TLN2: variants seen among roughly 807,000 people sequenced by gnomAD.
The protein encoded by TLN2 is talin-2.
In TLN2, 118 loss-of-function variants were observed where a neutral mutation model predicts 294.7. The ratio of observed to expected loss-of-function variants is 0.40; its 90% CI spans 0.34 to 0.47. The LOEUF (loss-of-function observed/expected upper bound fraction) is 0.47, where lower values mean the gene tolerates loss of function less well. Ranked by LOEUF, TLN2 falls within the 20% of genes least tolerant of loss-of-function variation. The probability of loss-of-function intolerance (pLI) is 0.84; values close to 1 mark genes in which losing one functional copy is unlikely to be tolerated. For synonymous variants in TLN2, 1,431 were observed against 1,304.5 expected, an observed-to-expected ratio of 1.10 and a Z score of -2.09; for missense variants, 3,083 against 3,282.2, an observed-to-expected ratio of 0.94 and a Z score of 1.48.
intron 37 of TLN2, among the ~76,000 whole-genome samples, chr15:62,759,135 G>A (rs1460074458): frequency 6.6e-6 from 1 of 152,198 alleles, no homozygotes; most frequent in Non-Finnish European, 1.5e-5. Flanking sequence ...CTGTGACATG[G>A]AAACTCTCAT....
intron 22 of TLN2, among the ~76,000 whole-genome samples, chr15:62,714,677 T>C (rs1215045125): frequency 1.3e-5 from 2 of 152,214 alleles, no homozygotes. Flanking sequence ...CATTTTGTCT[T>C]TGTAGCAATA....
At chr15:62,586,009 G>A (rs993616859) in intron 1 of TLN2, among the ~76,000 whole-genome samples, 2 of 148,560 alleles carry the variant, frequency 1.3e-5, no homozygotes, top group East Asian at 2.2e-4. Context: ...TTACAGAAGA[G>A]GAAACTGAGG....
intron 11 of TLN2, among the ~76,000 whole-genome samples, chr15:62,680,692 C>T (rs996701980): frequency 1.3e-5 from 2 of 151,788 alleles, no homozygotes; most frequent in African/African-American, 4.8e-5. Flanking sequence ...AAGCAGTGTA[C>T]ATTATACTTA....
intron 1 of TLN2, among the ~76,000 whole-genome samples, chr15:62,516,299 T>C (rs977181666): frequency 2.6e-5 from 4 of 152,236 alleles, no homozygotes; most frequent in Non-Finnish European, 5.9e-5. Context: ...CAGAACAACA[T>C]GTGAGTTTGC....
intron 9 of TLN2, among the ~76,000 whole-genome samples, chr15:62,669,110 A>T (rs561444734): frequency 6.6e-6 from 1 of 152,380 alleles, no homozygotes; most frequent in African/African-American, 2.4e-5. Flanking sequence ...AAGCAATCTG[A>T]GGACAGAATA....
At chr15:62,527,943 G>T (rs558568822) in intron 1 of TLN2, among the ~76,000 whole-genome samples, 1 of 152,190 alleles carries the variant, frequency 6.6e-6, no homozygotes, top group East Asian at 1.9e-4. Context: ...GACTTTTCCA[G>T]ATTATAAAAA....
At chr15:62,477,906 G>T (rs1191463117) in intron 1 of TLN2, among the ~76,000 whole-genome samples, 11 of 144,220 alleles carry the variant, frequency 7.6e-5, no homozygotes, top group Non-Finnish European at 1.4e-4. Flanking sequence ...GGATGGAGGG[G>T]GGGGTGCAGC....
chr15:62,695,564 G>C (rs2058269863), intron 14 of TLN2, among the ~76,000 whole-genome samples: 1 of 152,204 alleles, frequency 6.6e-6, no homozygotes, highest in African/African-American at 2.4e-5. Flanking sequence ...TACGCTGCTA[G>C]AAAGTTCTAG....
intron 1 of TLN2, among the ~76,000 whole-genome samples, chr15:62,457,419 A>G (rs1365555406): frequency 6.6e-6 from 1 of 152,204 alleles, no homozygotes; most frequent in East Asian, 1.9e-4. Flanking sequence ...GGGCTTCAGC[A>G]TAAGAGTTTG....
intron 51 of TLN2, among the ~76,000 whole-genome samples, chr15:62,807,894 T>C (rs111952557): frequency 2.8e-4 from 42 of 152,316 alleles, no homozygotes; most frequent in African/African-American, 9.9e-4. Flanking sequence ...ACATTTCCAT[T>C]TCCCTTGATC....
intron 1 of TLN2, among the ~76,000 whole-genome samples, chr15:62,544,823 G>T (rs567453750): frequency 4.6e-5 from 7 of 151,908 alleles, no homozygotes; most frequent in African/African-American, 1.7e-4. Context: ...ATGGTGTCAG[G>T]ATTAGCTAAC....
chr15:62,749,580 A>G (rs2061806451), intron 33 of TLN2, among the ~76,000 whole-genome samples: 1 of 152,186 alleles, frequency 6.6e-6, no homozygotes, highest in African/African-American at 2.4e-5. Flanking sequence ...TCCCATCTTT[A>G]ACAGCTCAGC....
At chr15:62,709,817 C>T (rs990336550) in intron 21 of TLN2, among the ~76,000 whole-genome samples, 1 of 152,074 alleles carries the variant, frequency 6.6e-6, no homozygotes, top group Non-Finnish European at 1.5e-5. Flanking sequence ...TCACTGCAAC[C>T]TCCACCTCCC....
chr15:62,441,038 A>G (rs2035519556), intron 1 of TLN2, among the ~76,000 whole-genome samples: 1 of 152,154 alleles, frequency 6.6e-6, no homozygotes, highest in Non-Finnish European at 1.5e-5. Flanking sequence ...CTCACTTCAC[A>G]TTCATGCTCT....
At chr15:62,730,755 G>T (rs1010807609) in intron 28 of TLN2, among the ~76,000 whole-genome samples, 18 of 152,152 alleles carry the variant, frequency 1.2e-4, no homozygotes, top group African/African-American at 3.4e-4. Context: ...CTTGCTTTTT[G>T]AGTTTTTTTA....
At chr15:62,757,090 A>G (rs1199273346) in intron 37 of TLN2, among the ~76,000 whole-genome samples, 1 of 152,192 alleles carries the variant, frequency 6.6e-6, no homozygotes, top group Non-Finnish European at 1.5e-5. Flanking sequence ...TGCTTTAGGT[A>G]TGTTACTCAT....
chr15:62,692,571 T>C (rs1014528491), intron 12 of TLN2, among the ~76,000 whole-genome samples: 3 of 152,024 alleles, frequency 2.0e-5, no homozygotes, highest in African/African-American at 7.3e-5. Flanking sequence ...GTCTTGGGGG[T>C]ATATGGGATA....
At chr15:62,764,421 C>A (rs929522624) in intron 40 of TLN2, among the ~76,000 whole-genome samples, 2 of 152,154 alleles carry the variant, frequency 1.3e-5, no homozygotes, top group Non-Finnish European at 2.9e-5. Flanking sequence ...CATTAACAAT[C>A]AGCTTTTGGC....
chr15:62,694,472 C>T, intron 14 of TLN2, 80 bp downstream of exon 14: 1 of 1,159,298 alleles, frequency 8.6e-7, no homozygotes, highest in Non-Finnish European at 1.3e-6. Context: ...GAGCCTGCTG[C>T]TCTGAAGCCT....
Sources: gnomAD v4.1 joint callset for allele counts (sites outside exome capture counted in the v4.1 genomes callset) on GRCh38, gnomAD v4.1.1 for gene constraint, MANE v1.5 for transcripts, NCBI Gene and HGNC (gene_info 2026-07-23, HGNC 2026-07-21) for gene names.